Variants in NPHP4 observed in about 807,000 individuals in gnomAD.
NPHP4 encodes nephrocystin 4.
A neutral mutation model predicts 155.8 loss-of-function variants in NPHP4; 151 were observed. The ratio of observed to expected loss-of-function variants is 0.97; its 90% confidence interval spans 0.85 to 1.11. The LOEUF (loss-of-function observed/expected upper bound fraction) is 1.11. NPHP4 is among the 50% of genes least tolerant of loss of function. The pLI is 0.00. For synonymous variants in NPHP4, 845 were observed against 816.8 expected, an observed-to-expected ratio of 1.03 and a Z score of -0.59; for missense variants, 1,956 against 1,925.7, an observed-to-expected ratio of 1.02 and a Z score of -0.29.
chr1:5,898,162 T>A (rs1644487346), intron 16 of NPHP4, among the ~76,000 whole-genome samples: 1 of 152,146 alleles, frequency 6.6e-6, no homozygotes, highest in Non-Finnish European at 1.5e-5. Flanking sequence ...AAAATTCAAT[T>A]ACTTCAGCTC....
intron 23 of NPHP4, among the ~76,000 whole-genome samples, chr1:5,872,369 A>T (rs1642092019): frequency 6.6e-6 from 1 of 152,118 alleles, no homozygotes; most frequent in African/African-American, 2.4e-5. Flanking sequence ...TACCATTCAG[A>T]CCTGAGCTAG....
intron 6 of NPHP4, among the ~76,000 whole-genome samples, chr1:5,956,397 A>ATC (rs748842418): frequency 1.8e-4 from 28 of 152,272 alleles, no homozygotes; most frequent in Non-Finnish European, 3.5e-4. Context: ...ACAGGAAGTC[A>ATC]TCAAGGGAGG....
At chr1:5,989,412 G>T (rs940076263) in intron 1 of NPHP4, among the ~76,000 whole-genome samples, 1 of 152,126 alleles carries the variant, frequency 6.6e-6, no homozygotes, top group African/African-American at 2.4e-5. Context: ...CTTCCCAGGT[G>T]CTCCCAGGGT....
At position 5,874,580 on chromosome 1, in the gene NPHP4, A is replaced by G. The variant is rs752229026; in HGVS notation, c.3122T>C (p.Phe1041Ser). The G allele has an allele frequency of 9.9e-6, 16 of 1,610,358 alleles. No individual in the cohort carries two copies. The highest frequency in any genetic ancestry group is 1.3e-5 in the Non-Finnish European group (15 of 1,178,824). ...GGGGGCCAGGCTGCCACGCAGGTGG[A>G]ACATGTCCTCCTCCACCGGTGTGTG... ...GLHTPVEEDM[F>S]HLRGSLAPQL... is the part of the protein sequence containing the mutation. Residue 1041 changes from phenylalanine (F) to serine (S), a missense_variant, in exon 22 of 30, where the codon TTC (phenylalanine) becomes TCC (serine). Transcript: ENST00000378156.
chr1:5,976,827 T>A (rs1653675637), intron 3 of NPHP4, among the ~76,000 whole-genome samples: 1 of 152,098 alleles, frequency 6.6e-6, no homozygotes, highest in African/African-American at 2.4e-5. Context: ...TGGGTGATGG[T>A]GGGGTACGGA....
chr1:5,887,335 G>T lies in NPHP4; in HGVS notation c.2436C>A (p.Gly812=). 6.2e-7 allele frequency: 1 copy of T among 1,613,572 alleles called. No individual in the cohort carries two copies. Among genetic ancestry groups the T allele is most frequent in the Non-Finnish European group, 8.5e-7 (1 of 1,179,860 alleles). Residue 812 remains glycine, a synonymous_variant, in exon 18 of 30, where the codon GGC becomes GGA. Transcript: ENST00000378156. ...GCCGGCCCTTCACCACCGAGTGGAC[G>T]CCGATGGGCTTGACGCGGCCAAACC... The part of the protein sequence containing the change: ...MLGFGRVKPI[G]VHSVVKGRLH...
At chr1:5,927,932 TA>T (rs1646093976) in intron 10 of NPHP4, 145 bp from the exon 11 acceptor site, 1 of 875,656 alleles carries the variant, frequency 1.1e-6, no homozygotes, top group South Asian at 2.1e-5. Context: ...TCTCAGATTA[TA>T]ATCAAGTAGT....
At chr1:5,909,539 C>T (rs1295271193) in intron 11 of NPHP4, among the ~76,000 whole-genome samples, 2 of 152,188 alleles carry the variant, frequency 1.3e-5, no homozygotes, top group African/African-American at 2.4e-5. Flanking sequence ...GTCATCTTTG[C>T]ATCTTCCCTG....
intron 1 of NPHP4, among the ~76,000 whole-genome samples, chr1:5,987,988 G>A (rs1308209381): frequency 1.3e-5 from 2 of 152,230 alleles, no homozygotes; most frequent in Non-Finnish European, 2.9e-5. Context: ...CCTGATGAGA[G>A]GGGCAGTGAT....
intron 11 of NPHP4, among the ~76,000 whole-genome samples, chr1:5,915,005 G>A (rs2101459282): frequency 6.6e-6 from 1 of 152,356 alleles, no homozygotes; most frequent in South Asian, 2.1e-4. Context: ...TCAGCAGAGG[G>A]CTGGATGAGG....
At position 5,905,870 on chromosome 1, in the gene NPHP4, G is replaced by A. The variant is rs545889607; in HGVS notation, c.1612-87C>T. The A allele has an allele frequency of 4.9e-5, 64 of 1,295,446 alleles. 1 individual carries two copies. In the African/African-American group the frequency reaches 7.0e-4, roughly 14 times the overall value. The allele number at this position is 1,295,446 out of a possible 1,614,324, so 80.2% of individuals were successfully genotyped here. On this transcript the variant is annotated intron_variant, in intron 13 of 29. Coordinates refer to ENST00000378156, the MANE Select transcript of NPHP4 (RefSeq NM_015102.5). This position sits in a 1 kb window ranked among gnomAD's most constrained non-coding sequence, Gnocchi z 4.0. ...GTGCTCAGATCTAAGGGGATTCATC[G>A]ATTAATTGCCTCTGGAGGGTTGCCA... is the stretch of plus-strand genomic sequence containing the variant.
chr1:5,884,269 G>A (rs902046284), intron 18 of NPHP4, among the ~76,000 whole-genome samples: 8 of 152,122 alleles, frequency 5.3e-5, no homozygotes, highest in African/African-American at 7.2e-5. Flanking sequence ...ACCGCCAACC[G>A]TGTGACCCCA....
At chr1:5,943,253 G>T (rs1351535876) in intron 9 of NPHP4, among the ~76,000 whole-genome samples, 1 of 152,200 alleles carries the variant, frequency 6.6e-6, no homozygotes, top group Non-Finnish European at 1.5e-5. Context: ...GCAGATTAAA[G>T]TCAGTGAGTG....
At chr1:5,942,584 T>C (rs993562959) in intron 9 of NPHP4, among the ~76,000 whole-genome samples, 12 of 32,432 alleles carry the variant, frequency 3.7e-4, no homozygotes, top group Admixed American at 6.6e-4. Flanking sequence ...AAATCATAAA[T>C]GACAAAAAAA....
intron 8 of NPHP4, among the ~76,000 whole-genome samples, chr1:5,947,615 C>T (rs913585940): frequency 3.9e-5 from 6 of 152,206 alleles, no homozygotes; most frequent in Admixed American, 6.5e-5. Context: ...GGCTGGCCTA[C>T]GGCAGAGGAC....
In NPHP4 at chr1:5,978,264, G is replaced by A. The variant is rs199856317; in HGVS notation, c.279+6C>T. On this transcript the variant is annotated splice_donor_region_variant and intron_variant, in intron 3 of 29. Transcript: ENST00000378156. ...AGCAGCCCCTGCCACCATCACCAGGGCCCACCTCATTAAAGACGATCCTGG... is the reference window on the plus strand; with the variant it reads ...AGCAGCCCCTGCCACCATCACCAGGACCCACCTCATTAAAGACGATCCTGG... The A allele has an allele frequency of 3.1e-5, 49 of 1,602,590 alleles. No individual in the cohort carries two copies. The Admixed American group carries it at 7.7e-4, about 25-fold the overall frequency.
intron 9 of NPHP4, among the ~76,000 whole-genome samples, chr1:5,945,203 C>T (rs535958106): frequency 2.2e-4 from 34 of 152,208 alleles, no homozygotes; most frequent in African/African-American, 7.9e-4. Context: ...CCTGCTCCTC[C>T]CCACCTCCCC....
chr1:5,986,088 T>A (rs1013870291), intron 2 of NPHP4, 67 bp downstream of exon 2: 1 of 1,562,662 alleles, frequency 6.4e-7, no homozygotes, highest in African/African-American at 1.4e-5. Context: ...ACCATCCATC[T>A]GTTAACTGGA....
intron 9 of NPHP4, among the ~76,000 whole-genome samples, chr1:5,934,683 C>T (rs1340808155): frequency 1.3e-5 from 2 of 152,196 alleles, no homozygotes; most frequent in Non-Finnish European, 2.9e-5. Context: ...AGGGCATGAA[C>T]CCAGGCAGCA....
Sources: gnomAD v4.1 joint callset for allele counts (sites outside exome capture counted in the v4.1 genomes callset) on GRCh38, gnomAD v4.1.1 for gene constraint, Gnocchi (gnomAD v3.1) non-coding constraint, MANE v1.5 for transcripts, NCBI Gene and HGNC (gene_info 2026-07-23, HGNC 2026-07-21) for gene names.